SYT1: variants seen among roughly 807,000 people sequenced by gnomAD.
SYT1 encodes the protein synaptotagmin-1.
In SYT1, 8 loss-of-function variants were observed where a neutral mutation model predicts 44.8. The ratio of observed to expected loss-of-function variants is 0.18; its 90% CI spans 0.10 to 0.32. SYT1 has a LOEUF of 0.32. Among genes scored for constraint, SYT1 ranks in the 10% least tolerant of loss-of-function variants. SYT1 has a pLI of 1.00. For missense variants in SYT1, 286 were observed against 509.3 expected, an observed-to-expected ratio of 0.56 and a Z score of 4.22; for synonymous variants, 154 against 188.8, an observed-to-expected ratio of 0.82 and a Z score of 1.51.
chr12:79,410,786 A>T (rs1172525962), intron 9 of SYT1, among the ~76,000 whole-genome samples: 1 of 152,128 alleles, frequency 6.6e-6, no homozygotes, highest in Non-Finnish European at 1.5e-5. Flanking sequence ...CTATATCAAC[A>T]TTTAAGGTCA....
At chr12:79,370,988 ATTT>A (rs1289026078) in intron 9 of SYT1, among the ~76,000 whole-genome samples, 2 of 151,752 alleles carry the variant, frequency 1.3e-5, no homozygotes, top group African/African-American at 2.4e-5. Context: ...AAAAGTGATT[ATTT>A]TATTTTTTCC....
rs566510496 is a variant in SYT1 at position 79,077,433 on chromosome 12, C to A, written c.-18+30071C>A. 4.6e-5 allele frequency among the ~76,000 whole-genome samples: 7 copies of A among 152,230 alleles called. No individual in the cohort carries two copies. The East Asian group carries it at 1.2e-3, about 25-fold the overall frequency. On this transcript the variant is annotated intron_variant, in intron 3 of 10. Transcript: ENST00000261205. ...CACTTTCTAGTTTCCAGTTTCTTGC[C>A]CATTTCCTTTCCATTGTCTCTTGTT...
chr12:79,122,079 GATT>G (rs1464009031), intron 3 of SYT1, among the ~76,000 whole-genome samples: 2 of 152,166 alleles, frequency 1.3e-5, no homozygotes, highest in African/African-American at 4.8e-5. Flanking sequence ...TTCCTGGCAA[GATT>G]TATAAGAGTC....
At chr12:79,014,136 A>G (rs892610624) in intron 2 of SYT1, among the ~76,000 whole-genome samples, 4 of 144,870 alleles carry the variant, frequency 2.8e-5, no homozygotes, top group African/African-American at 1.1e-4. Context: ...AAAAAAAAAA[A>G]AAGAAAAAAA....
chr12:79,311,805 G>T (rs1478848004), intron 8 of SYT1, among the ~76,000 whole-genome samples: 3 of 144,530 alleles, frequency 2.1e-5, no homozygotes, highest in African/African-American at 7.7e-5. Context: ...ACTCATAGGT[G>T]GGAATTGAAC....
At chr12:79,188,696 A>G (rs2138440180) in intron 3 of SYT1, among the ~76,000 whole-genome samples, 1 of 152,224 alleles carries the variant, frequency 6.6e-6, no homozygotes, top group East Asian at 1.9e-4. Context: ...ATCTTGAGGG[A>G]AAAGTCTTAA....
chr12:78,899,484 A>G (rs10778296), intron 1 of SYT1, among the ~76,000 whole-genome samples: 110,943 of 151,842 alleles, frequency 0.73, 40,684 homozygotes, highest in East Asian at 0.83. Context: ...TATTAAATAC[A>G]TATGAATGTA....
At chr12:79,260,832 C>G (rs1028363964) in intron 4 of SYT1, among the ~76,000 whole-genome samples, 2 of 150,798 alleles carry the variant, frequency 1.3e-5, no homozygotes, top group African/African-American at 4.9e-5. Context: ...ACTTGGGTCT[C>G]AAGCCATTCT....
At chr12:79,321,767 C>T (rs1488145313) in intron 8 of SYT1, among the ~76,000 whole-genome samples, 1 of 152,168 alleles carries the variant, frequency 6.6e-6, no homozygotes, top group African/African-American at 2.4e-5. Context: ...GGACAAGGAC[C>T]AAACCTTCTT....
chr12:79,262,072 C>T (rs566398305), intron 4 of SYT1, among the ~76,000 whole-genome samples: 38 of 152,174 alleles, frequency 2.5e-4, no homozygotes, highest in African/African-American at 8.4e-4. Context: ...AGGCAAAACC[C>T]GTGTGCATTG....
intron 3 of SYT1, among the ~76,000 whole-genome samples, chr12:79,176,916 T>A (rs1328325287): frequency 6.6e-6 from 1 of 152,004 alleles, no homozygotes; most frequent in African/African-American, 2.4e-5. Flanking sequence ...AACCACAATG[T>A]CAATCACACA....
At chr12:79,288,351 T>C (rs1297139614) in intron 5 of SYT1, among the ~76,000 whole-genome samples, 2 of 152,094 alleles carry the variant, frequency 1.3e-5, no homozygotes, top group Non-Finnish European at 2.9e-5. Context: ...AAAATAAAGA[T>C]GGCTTATGCC....
chr12:79,176,057 G>A (rs893294210), intron 3 of SYT1, among the ~76,000 whole-genome samples: 4 of 151,980 alleles, frequency 2.6e-5, no homozygotes, highest in African/African-American at 7.2e-5. Context: ...TTGGAAGGCC[G>A]AGGAGGGTGG....
At chr12:79,066,490 T>TAAAA (rs1038808316) in intron 3 of SYT1, among the ~76,000 whole-genome samples, 1 of 139,732 alleles carries the variant, frequency 7.2e-6, no homozygotes. Flanking sequence ...AAAAAAAAAT[T>TAAAA]AAAAAAAAAA....
chr12:79,128,101 TAGAA>T (rs1279469060), intron 3 of SYT1, among the ~76,000 whole-genome samples: 1 of 151,964 alleles, frequency 6.6e-6, no homozygotes, highest in Non-Finnish European at 1.5e-5. Context: ...ATTAGATAGA[TAGAA>T]AGATAGCCTG....
At chr12:79,369,255 G>A (rs373179546) in intron 9 of SYT1, among the ~76,000 whole-genome samples, 56 of 152,330 alleles carry the variant, frequency 3.7e-4, no homozygotes, top group African/African-American at 1.3e-3. Flanking sequence ...GCTGAGGCAG[G>A]AGGATTGCTG....
rs567403788 is a variant in SYT1 at position 79,117,841 on chromosome 12, T to C, written c.-18+70479T>C. ...ATAAATGCAGTGTCATAAATACTTT[T>C]GTATGAAATTATATAATTCTTAGGG... On this transcript the variant is annotated intron_variant, in intron 3 of 10. Transcript: ENST00000261205. Among the ~76,000 whole-genome samples, 175 of 151,338 alleles carry C rather than the reference T, an allele frequency of 1.2e-3. 1 individual carries two copies. The highest frequency in any genetic ancestry group is 4.8e-3 in the South Asian group (23 of 4,760).
intron 9 of SYT1, among the ~76,000 whole-genome samples, chr12:79,389,252 T>C (rs1249845857): frequency 1.3e-5 from 2 of 152,184 alleles, no homozygotes; most frequent in Non-Finnish European, 2.9e-5. Flanking sequence ...ACAAAACATA[T>C]GTTAGCCGTA....
chr12:79,329,980 A>G (rs1223105726), intron 8 of SYT1, among the ~76,000 whole-genome samples: 1 of 152,144 alleles, frequency 6.6e-6, no homozygotes, highest in Non-Finnish European at 1.5e-5. Flanking sequence ...ATTTTATCGT[A>G]TTTGACCTCA....
Sources: gnomAD v4.1 joint callset for allele counts (sites outside exome capture counted in the v4.1 genomes callset) on GRCh38, gnomAD v4.1.1 for gene constraint, MANE v1.5 for transcripts, NCBI Gene and HGNC (gene_info 2026-07-23, HGNC 2026-07-21) for gene names.